The following NOSIP variants were observed in gnomAD, a reference collection of about 807,000 sequenced individuals.
NOSIP encodes the protein nitric oxide synthase interacting protein, also known as nitric oxide synthase-interacting protein.
Under a neutral mutation model 36.4 loss-of-function variants are expected in NOSIP, and 25 were observed. That is an observed-to-expected ratio of 0.69 (90% CI 0.50 to 0.96). The LOEUF is 0.96. NOSIP is among the 40% of genes least tolerant of loss of function. The pLI, the probability that NOSIP is intolerant of heterozygous loss-of-function variation, is 0.00. For synonymous variants in NOSIP, 187 were observed against 179.2 expected (o/e 1.04, Z -0.35); for missense variants, 370 against 429.0 (o/e 0.86, Z 1.21).
intron 7 of NOSIP, 27 bp from the exon 8 acceptor site, chr19:49,556,452 T>G: frequency 2.5e-6 from 4 of 1,611,098 alleles, no homozygotes; most frequent in Non-Finnish European, 3.4e-6. Flanking sequence ...GGCGGGAGAC[T>G]CTGATCAGGG....
chr19:49,565,797 G>A (rs2080399816), intron 1 of NOSIP, among the ~76,000 whole-genome samples: 2 of 150,900 alleles, frequency 1.3e-5, no homozygotes, highest in Admixed American at 6.6e-5. Flanking sequence ...AATTAATGGC[G>A]GGGGAACCCC....
intron 1 of NOSIP, among the ~76,000 whole-genome samples, chr19:49,571,963 GAC>G (rs1423901087): frequency 8.6e-6 from 1 of 116,910 alleles, no homozygotes; most frequent in African/African-American, 3.4e-5. Context: ...TCAGCCTGGC[GAC>G]AGAGTGAGAC....
At chr19:49,562,622 T>C (rs1247321115) in intron 1 of NOSIP, among the ~76,000 whole-genome samples, 1 of 152,132 alleles carries the variant, frequency 6.6e-6, no homozygotes, top group Non-Finnish European at 1.5e-5. Context: ...GGCTGATGCC[T>C]GTAATCCCAG....
rs375284673 is a variant in NOSIP, at chr19:49,556,439, G to A, written c.726-14C>T. ...ACCACAGCCCCACTACGGTGAGGCC[G>A]AAGGCGGGAGACTCTGATCAGGGGC... On this transcript the variant is annotated splice_polypyrimidine_tract_variant and intron_variant, in intron 7 of 8. Transcript: ENST00000596358. The A allele has an allele frequency of 1.9e-6, 3 of 1,611,720 alleles. No homozygotes were observed. Among genetic ancestry groups the A allele is most frequent in the South Asian group, 1.1e-5 (1 of 90,986 alleles).
intron 1 of NOSIP, among the ~76,000 whole-genome samples, chr19:49,570,772 T>A (rs894289573): frequency 6.6e-6 from 1 of 152,042 alleles, no homozygotes; most frequent in African/African-American, 2.4e-5. Flanking sequence ...CACGGTGACC[T>A]TTTCATGGAC....
intron 1 of NOSIP, among the ~76,000 whole-genome samples, chr19:49,571,579 C>T (rs892517846): frequency 1.3e-5 from 2 of 152,160 alleles, no homozygotes; most frequent in Admixed American, 1.3e-4. Flanking sequence ...ACAGCATGTC[C>T]CAGCTGGGAA....
At chr19:49,557,666 C>T in intron 4 of NOSIP, 1 of 1,016,308 alleles carries the variant, frequency 9.8e-7, no homozygotes. Flanking sequence ...GTGCATGCCC[C>T]AGCCCGTGTT....
chr19:49,558,773 A>C (rs1017649597), intron 4 of NOSIP, 124 bp downstream of exon 4: 2 of 807,604 alleles, frequency 2.5e-6, no homozygotes, highest in African/African-American at 3.4e-5. Flanking sequence ...GGCCGGAAGC[A>C]GGGGAGGGGA....
In NOSIP at chr19:49,560,560, G is replaced by A. The variant is rs2080319046; in HGVS notation, c.70+62C>T. ...ACAGAGGAAGCAAAACCTGGGGCAC[G>A]AGGGGAGAGGGTGACTCCAAGACAC... On this transcript the variant is annotated intron_variant, in intron 2 of 8. Coordinates refer to ENST00000596358, the MANE Select transcript of NOSIP (RefSeq NM_001270960.2). This position sits in a 1 kb window ranked among gnomAD's most constrained non-coding sequence, Gnocchi z 4.6. The A allele has an allele frequency of 3.0e-6, 4 of 1,338,378 alleles. No homozygotes were observed. Among genetic ancestry groups the A allele is most frequent in the Middle Eastern group, 1.8e-4 (1 of 5,558 alleles). 82.9% of individuals were successfully genotyped at this position (1,338,378 alleles called of 1,614,324 possible).
intron 4 of NOSIP, 130 bp downstream of exon 4, chr19:49,558,767 G>A (rs577737426): frequency 1.8e-5 from 14 of 782,508 alleles, no homozygotes; most frequent in East Asian, 7.3e-5. Flanking sequence ...GGATTTGGCC[G>A]GAAGCAGGGG....
intron 3 of NOSIP, 134 bp downstream of exon 3, chr19:49,559,800 C>T (rs2080306334): frequency 4.3e-6 from 3 of 694,082 alleles, no homozygotes; most frequent in African/African-American, 1.8e-5. Context: ...TGTGAGAATA[C>T]AGAGGCTCTG....
intron 1 of NOSIP, among the ~76,000 whole-genome samples, chr19:49,571,649 G>C (rs563596587): frequency 1.3e-5 from 2 of 152,120 alleles, no homozygotes; most frequent in South Asian, 4.2e-4. Context: ...CTTTTAACTA[G>C]GTGACAACTG....
chr19:49,560,097 C>T lies in NOSIP; in HGVS notation c.71-58G>A. ...GCGGAGCAACAGGAGACATGTCCGT[C>T]TCCAAAGCCCCAGAGAGAGGCACAG... On this transcript the variant is annotated intron_variant, in intron 2 of 8. Coordinates refer to ENST00000596358, the MANE Select transcript of NOSIP (RefSeq NM_001270960.2). This position sits in a 1 kb window ranked among gnomAD's most constrained non-coding sequence, Gnocchi z 4.6. The T allele has an allele frequency of 1.7e-6, 2 of 1,183,688 alleles. No homozygotes were observed. The highest frequency in any genetic ancestry group is 2.7e-5 in the South Asian group (2 of 74,446). The allele number at this position is 1,183,688 out of a possible 1,614,324, so 73.3% of individuals were successfully genotyped here.
At chr19:49,556,196 C>A in intron 8 of NOSIP, 121 bp downstream of exon 8, 1 of 449,920 alleles carries the variant, frequency 2.2e-6, no homozygotes, top group Non-Finnish European at 4.0e-6. Context: ...CCTTACAGAG[C>A]AGAGAAGAAG....
Position 49,560,235 on chromosome 19 carries a change from G to C in NOSIP, c.71-196C>G, listed in dbSNP as rs1020810039. 1 of 590,526 alleles carries C rather than the reference G, an allele frequency of 1.7e-6. No individual in the cohort carries two copies. Among genetic ancestry groups the C allele is most frequent in the East Asian group, 2.8e-5 (1 of 35,398 alleles). 36.6% of individuals were successfully genotyped at this position (590,526 alleles called of 1,614,324 possible). On this transcript the variant is annotated intron_variant, in intron 2 of 8. Coordinates refer to ENST00000596358, the MANE Select transcript of NOSIP (RefSeq NM_001270960.2). This position sits in a 1 kb window ranked among gnomAD's most constrained non-coding sequence, Gnocchi z 4.6. ...CACAGGGAGTTGTCAACCCTGGAGGGTGAGAGGCAGACAGGCCTGGTCACT... is the reference window on the plus strand; with the variant it reads ...CACAGGGAGTTGTCAACCCTGGAGGCTGAGAGGCAGACAGGCCTGGTCACT...
At chr19:49,572,406 CTTTT>C (rs35209614) in intron 1 of NOSIP, among the ~76,000 whole-genome samples, 2 of 97,932 alleles carry the variant, frequency 2.0e-5, no homozygotes, top group Non-Finnish European at 3.9e-5. Flanking sequence ...TGCACCCAGC[CTTTT>C]TTTTTTTTTT....
At chr19:49,563,991 C>T (rs2080369637) in intron 1 of NOSIP, among the ~76,000 whole-genome samples, 1 of 152,148 alleles carries the variant, frequency 6.6e-6, no homozygotes, top group Non-Finnish European at 1.5e-5. Context: ...TCTGCAAGGT[C>T]AAAACTGTTG....
rs779285289 is a variant in NOSIP at position 49,559,947 on chromosome 19, C to T, written c.163G>A (p.Asp55Asn). The T allele has an allele frequency of 1.3e-5, 21 of 1,612,682 alleles. No homozygotes were observed. In the East Asian group the frequency reaches 3.1e-4, roughly 24 times the overall value. Reference protein sequence around the residue: ...CCCLSLQPCHDPVVTPDGYLY... With the variant: ...CCCLSLQPCHNPVVTPDGYLY... ...TTCCCAGCTCACGTGACAACAGGAT[C>T]GTGGCAAGGCTGCAGGGAGAGACAA... Residue 55 changes from aspartate (D) to asparagine (N), a missense_variant, in exon 3 of 9, where the codon GAT becomes AAT. By Grantham distance (23) the Asp-to-Asn change is conservative. This residue lies in a region of NOSIP where 315 missense variants were observed against 331.9 expected (regional missense o/e 0.95). Transcript: ENST00000596358.
intron 4 of NOSIP, chr19:49,558,245 C>CTTTTTTTTTT (rs747871503): frequency 8.1e-6 from 1 of 123,618 alleles, no homozygotes; most frequent in African/African-American, 3.3e-5. Context: ...CGTAGCACAT[C>CTTTTTTTTTT]TTTTTTTTTT....
Sources: allele counts gnomAD v4.1 joint callset (sites outside exome capture counted in the v4.1 genomes callset), GRCh38; gene constraint gnomAD v4.1.1; regional missense constraint gnomAD v4.1.1; non-coding constraint Gnocchi (gnomAD v3.1); transcripts MANE v1.5; gene names NCBI Gene and HGNC (gene_info 2026-07-23, HGNC 2026-07-21).